The following ADCY9 variants were observed in gnomAD, a reference collection of about 807,000 sequenced individuals.
ADCY9 encodes adenylate cyclase 9.
Under a neutral mutation model 101.5 loss-of-function variants are expected in ADCY9, and 50 were observed. That is an observed-to-expected ratio of 0.49 (90% confidence interval 0.39 to 0.62). ADCY9 has a LOEUF of 0.62. ADCY9 is among the 20% of genes least tolerant of loss of function. The pLI is 0.00. For missense variants in ADCY9, 1,662 were observed against 1,800.4 expected (o/e 0.92, Z 1.39); for synonymous variants, 905 against 769.3 (o/e 1.18, Z -2.92).
intron 2 of ADCY9, among the ~76,000 whole-genome samples, chr16:4,057,630 T>C (rs2056748585): frequency 6.6e-6 from 1 of 152,220 alleles, no homozygotes; most frequent in Non-Finnish European, 1.5e-5. Context: ...CCAAAGCTTC[T>C]GTGAGCACGC....
chr16:4,018,779 A>C (rs908284715), intron 2 of ADCY9, among the ~76,000 whole-genome samples: 3 of 152,186 alleles, frequency 2.0e-5, no homozygotes, highest in African/African-American at 7.2e-5. Flanking sequence ...TCTTGTTTAC[A>C]GAGCACATGC....
At chr16:4,059,686 C>A (rs925907169) in intron 2 of ADCY9, among the ~76,000 whole-genome samples, 1 of 152,034 alleles carries the variant, frequency 6.6e-6, no homozygotes, top group African/African-American at 2.4e-5. Flanking sequence ...TTGCTTGAGG[C>A]TGGGAGTCAG....
intron 2 of ADCY9, among the ~76,000 whole-genome samples, chr16:4,072,122 C>G (rs940105628): frequency 2.0e-5 from 3 of 152,206 alleles, no homozygotes; most frequent in Non-Finnish European, 2.9e-5. Flanking sequence ...TGGAATCCCA[C>G]TGGGCCCGAT....
intron 2 of ADCY9, among the ~76,000 whole-genome samples, chr16:4,051,901 C>A (rs1011055802): frequency 1.3e-5 from 2 of 152,118 alleles, no homozygotes; most frequent in Admixed American, 1.3e-4. Flanking sequence ...GGATATTTTC[C>A]GAGTCCCCAA....
At position 3,977,445 on chromosome 16, in the gene ADCY9, C is replaced by T. The variant is rs116089419; in HGVS notation, c.2828+37G>A. 861 of 1,537,664 alleles carry T rather than the reference C, an allele frequency of 5.6e-4. 8 individuals carry two copies. The African/African-American group carries it at 8.6e-3, about 15-fold the overall frequency. ...TACGCAACCTCGGGCAAGGTGGCCA[C>T]GCACCCTGGTGCCCGCAAGCAGTGC... On this transcript the variant is annotated intron_variant, in intron 9 of 10. Transcript: ENST00000294016.
chr16:3,995,238 G>T (rs1232095965), intron 3 of ADCY9, among the ~76,000 whole-genome samples: 1 of 151,996 alleles, frequency 6.6e-6, no homozygotes, highest in Admixed American at 6.6e-5. Context: ...GGCCAGCCTG[G>T]GCAACATGGC....
intron 2 of ADCY9, among the ~76,000 whole-genome samples, chr16:4,061,572 C>T (rs1465952996): frequency 6.6e-6 from 1 of 152,102 alleles, no homozygotes; most frequent in Non-Finnish European, 1.5e-5. Flanking sequence ...ATATTCAAAG[C>T]ACTGAAAGAA....
intron 2 of ADCY9, among the ~76,000 whole-genome samples, chr16:4,096,141 C>G (rs1434465696): frequency 6.6e-6 from 1 of 152,162 alleles, no homozygotes; most frequent in African/African-American, 2.4e-5. Flanking sequence ...AGTTACAAAT[C>G]TCACACACGC....
intron 2 of ADCY9, among the ~76,000 whole-genome samples, chr16:4,030,742 T>C (rs1049118682): frequency 6.6e-6 from 1 of 151,582 alleles, no homozygotes; most frequent in South Asian, 2.1e-4. Flanking sequence ...GTTCCATTTG[T>C]ACGAAATTCA....
In ADCY9 at chr16:4,085,707, G is replaced by A. The variant is rs116829940; in HGVS notation, c.1693+28043C>T. On this transcript the variant is annotated intron_variant, in intron 2 of 10. Coordinates refer to ENST00000294016, the MANE Select transcript of ADCY9 (RefSeq NM_001116.4). ...TTGAAATGGTATCCCCCCAGCAGCC[G>A]CCTCAGTATCACCTGGGAACTTGCA... Among the ~76,000 whole-genome samples the A allele has an allele frequency of 7.2e-3, 1,096 of 152,166 alleles. 19 individuals are homozygous for A. Among genetic ancestry groups the A allele is most frequent in the African/African-American group, 0.025 (1,044 of 41,558 alleles).
At position 4,114,616 on chromosome 16, in the gene ADCY9, G is replaced by T. The variant is rs1382222998; in HGVS notation, c.827C>A (p.Ala276Asp). ...CCTGCTCAGCAGCTCCCAGTGCAGG[G>T]CCCCGGCTCCGGGCGAGGGGAAGCA... ...EACFPSPGAG[A>D]LHWELLSRGL... Residue 276 changes from alanine to aspartate, a missense_variant, in exon 2 of 11, where the codon GCC becomes GAC. Ala to Asp is a moderately radical substitution (Grantham distance 126, BLOSUM62 -2). This residue lies in a region of ADCY9 where 422 missense variants were observed against 392.0 expected (regional missense o/e 1.08). Coordinates refer to ENST00000294016, the MANE Select transcript of ADCY9 (RefSeq NM_001116.4). This position sits in a 1 kb window ranked among gnomAD's most constrained non-coding sequence, Gnocchi z 4.3. The T allele has an allele frequency of 6.2e-7, 1 of 1,613,748 alleles. No homozygotes were observed. The highest frequency in any genetic ancestry group is 8.5e-7 in the Non-Finnish European group (1 of 1,180,030).
At chr16:4,093,898 A>G (rs2056987760) in intron 2 of ADCY9, among the ~76,000 whole-genome samples, 1 of 152,254 alleles carries the variant, frequency 6.6e-6, no homozygotes, top group Non-Finnish European at 1.5e-5. Flanking sequence ...CAGAAGCCTT[A>G]GTGCGAACTG....
chr16:4,098,690 T>A (rs1385519732), intron 2 of ADCY9, among the ~76,000 whole-genome samples: 1 of 152,060 alleles, frequency 6.6e-6, no homozygotes, highest in Non-Finnish European at 1.5e-5. Flanking sequence ...GGAAACAGAT[T>A]ATAAACAAAA....
At position 3,992,733 on chromosome 16, in the gene ADCY9, G is replaced by A. The variant is rs997121285; in HGVS notation, c.1990-370C>T. Among the ~76,000 whole-genome samples the A allele has an allele frequency of 2.0e-5, 3 of 152,118 alleles. No homozygotes were observed. Among genetic ancestry groups the A allele is most frequent in the African/African-American group, 4.8e-5 (2 of 41,428 alleles). On this transcript the variant is annotated intron_variant, in intron 4 of 10. Coordinates refer to ENST00000294016, the MANE Select transcript of ADCY9 (RefSeq NM_001116.4). This position sits in a 1 kb window ranked among gnomAD's most constrained non-coding sequence, Gnocchi z 4.2. ...GTTCTGGGAGCAGGGTGCATGGGTC[G>A]GGGGTCCAGGAGAAGTATGACGAGG... is the stretch of plus-strand genomic sequence containing the variant.
At chr16:4,018,170 C>G (rs1298454713) in intron 2 of ADCY9, among the ~76,000 whole-genome samples, 2 of 151,990 alleles carry the variant, frequency 1.3e-5, no homozygotes, top group African/African-American at 2.4e-5. Flanking sequence ...CTGTAAACAT[C>G]ATATCATGCA....
intron 2 of ADCY9, among the ~76,000 whole-genome samples, chr16:4,010,781 C>T (rs1199368736): frequency 6.6e-5 from 10 of 152,246 alleles, no homozygotes; most frequent in East Asian, 3.9e-4. Flanking sequence ...AAAGTTCAGG[C>T]GTTGTGGAGT....
intron 2 of ADCY9, among the ~76,000 whole-genome samples, chr16:4,034,705 C>T (rs373472424): frequency 6.6e-6 from 1 of 152,202 alleles, no homozygotes; most frequent in Non-Finnish European, 1.5e-5. Context: ...AGGCATGAGC[C>T]ACTGCACCTG....
rs543831321 is a variant in ADCY9, at chr16:4,027,180, A to G, written c.1694-19622T>C. Among the ~76,000 whole-genome samples the G allele has an allele frequency of 5.9e-5, 9 of 152,342 alleles. No homozygotes were observed. The East Asian group carries it at 1.7e-3, about 29-fold the overall frequency. ...TAAGGCTCCAGAAAATTCTCTAATC[A>G]GCCACTTGCTCCTGCTCGAGCCTGC... On this transcript the variant is annotated intron_variant, in intron 2 of 10. Coordinates refer to ENST00000294016, the MANE Select transcript of ADCY9 (RefSeq NM_001116.4).
chr16:3,979,158 G>C lies in ADCY9; in HGVS notation c.2637C>G (p.Ala879=). 1 of 1,614,190 alleles carries C rather than the reference G, an allele frequency of 6.2e-7. No homozygotes were observed. Among genetic ancestry groups the C allele is most frequent in the Non-Finnish European group, 8.5e-7 (1 of 1,180,040 alleles). Residue 879 remains alanine, a synonymous_variant, in exon 8 of 11, where the codon GCC becomes GCG. Coordinates refer to ENST00000294016, the MANE Select transcript of ADCY9 (RefSeq NM_001116.4). ...GAILVSLPAL[A]VYSHVTSEYE... is the part of the protein sequence containing the mutation. ...ATTCGGAGGTGACATGGGAGTAGAC[G>C]GCCAGTGCGGGAAGCGACACCAGGA...
Sources: allele counts gnomAD v4.1 joint callset (sites outside exome capture counted in the v4.1 genomes callset), GRCh38; gene constraint gnomAD v4.1.1; regional missense constraint gnomAD v4.1.1; non-coding constraint Gnocchi (gnomAD v3.1); transcripts MANE v1.5; gene names NCBI Gene and HGNC (gene_info 2026-07-23, HGNC 2026-07-21).